The following LIMS1 variants were observed in gnomAD, a reference collection of about 807,000 sequenced individuals.
The protein encoded by LIMS1 is LIM zinc finger domain containing 1.
A neutral mutation model predicts 44.1 loss-of-function variants in LIMS1; 18 were observed. The ratio of observed to expected loss-of-function variants is 0.41; its 90% confidence interval spans 0.28 to 0.61. LIMS1 has a LOEUF of 0.61. Among genes scored for constraint, LIMS1 ranks in the 20% least tolerant of loss-of-function variants. The pLI, the probability that LIMS1 is intolerant of heterozygous loss-of-function variation, is 0.32. For missense variants in LIMS1, 201 were observed against 422.0 expected (o/e 0.48, Z 4.59); for synonymous variants, 93 against 149.1 (o/e 0.62, Z 2.74).
intron 1 of LIMS1, among the ~76,000 whole-genome samples, chr2:108,577,721 G>GA (rs1364173057): frequency 2.0e-5 from 3 of 152,060 alleles, no homozygotes; most frequent in Admixed American, 6.5e-5. Context: ...AAGAGAGAGA[G>GA]AAAAAAGGTG....
chr2:108,573,929 A>G (rs916133695), intron 1 of LIMS1, among the ~76,000 whole-genome samples: 1 of 152,172 alleles, frequency 6.6e-6, no homozygotes, highest in Non-Finnish European at 1.5e-5. Context: ...CACTGAGGTT[A>G]GGGACTCTTC....
chr2:108,573,393 G>C (rs544593829), intron 1 of LIMS1, among the ~76,000 whole-genome samples: 1 of 151,546 alleles, frequency 6.6e-6, no homozygotes, highest in African/African-American at 2.4e-5. Flanking sequence ...CTTTTAGCCA[G>C]TTATTTTGGC....
At chr2:108,639,958 T>C (rs548434700) in intron 1 of LIMS1, among the ~76,000 whole-genome samples, 3 of 152,340 alleles carry the variant, frequency 2.0e-5, no homozygotes, top group East Asian at 3.9e-4. Flanking sequence ...TACACATCCA[T>C]GCGCACGGGC....
rs1298515736 is a variant in LIMS1 at position 108,595,017 on chromosome 2, G to A, written c.32+60423G>A. On this transcript the variant is annotated intron_variant, in intron 1 of 9. Transcript: ENST00000544547. ...CCTGAGATGGAAAGCTCTGTGGAAG[G>A]AAGGTACCATACATAAAAGCAGGGC... 2.6e-5 allele frequency among the ~76,000 whole-genome samples: 4 copies of A among 152,326 alleles called. No homozygotes were observed. The South Asian group carries it at 8.3e-4, about 32-fold the overall frequency.
intron 2 of LIMS1, chr2:108,662,636 A>AAAAAAC (rs1691459751): frequency 1.0e-6 from 1 of 987,140 alleles, no homozygotes; most frequent in Admixed American, 4.7e-5. Flanking sequence ...ATATTAGAGA[A>AAAAAAC]AAAAACTATC....
intron 1 of LIMS1, chr2:108,588,457 A>C (rs1297397701): frequency 2.0e-6 from 2 of 985,382 alleles, no homozygotes; most frequent in Non-Finnish European, 2.4e-6. Context: ...GCCAGGAGGG[A>C]GGTTCTTTAC....
intron 1 of LIMS1, among the ~76,000 whole-genome samples, chr2:108,549,165 TGTTTG>T (rs957370683): frequency 1.3e-5 from 2 of 152,120 alleles, no homozygotes; most frequent in Admixed American, 1.3e-4. Flanking sequence ...TATGGCTTTT[TGTTTG>T]GTTTAGTGAA....
intron 1 of LIMS1, among the ~76,000 whole-genome samples, chr2:108,648,026 T>C (rs1425662107): frequency 6.6e-6 from 1 of 152,208 alleles, no homozygotes; most frequent in Non-Finnish European, 1.5e-5. Context: ...AGTCAAATTG[T>C]CTCTATTTGC....
chr2:108,552,490 T>C (rs1272355656), intron 1 of LIMS1, among the ~76,000 whole-genome samples: 1 of 146,500 alleles, frequency 6.8e-6, no homozygotes, highest in Non-Finnish European at 1.5e-5. Context: ...ACATTACAGT[T>C]ACATATAATA....
chr2:108,550,354 C>G (rs1054016907), intron 1 of LIMS1, among the ~76,000 whole-genome samples: 1 of 147,134 alleles, frequency 6.8e-6, no homozygotes, highest in African/African-American at 2.5e-5. Flanking sequence ...AAAAAATTAG[C>G]CGGGCGCGGT....
intron 2 of LIMS1, among the ~76,000 whole-genome samples, chr2:108,666,731 G>A (rs1691783081): frequency 6.9e-6 from 1 of 145,968 alleles, no homozygotes; most frequent in East Asian, 2.0e-4. Flanking sequence ...GGAGGCTACA[G>A]TGAGCTATAA....
rs529163763 is a variant in LIMS1 at position 108,676,005 on chromosome 2, A to C, written c.658A>C (p.Met220Leu). 4.1e-5 allele frequency: 66 copies of C among 1,613,930 alleles called. 2 individuals carry two copies. In the South Asian group the frequency reaches 6.1e-4, roughly 15 times the overall value. Reference sequence around the variant, plus strand: ...CATCGAAGGGCGCGTGGTGAACGCTATGGGCAAGCAGTGGCATGTGGAGGT... The same window carrying C: ...CATCGAAGGGCGCGTGGTGAACGCTCTGGGCAAGCAGTGGCATGTGGAGGT... Residue 220 changes from methionine to leucine, a missense_variant, in exon 6 of 10, where the codon ATG (methionine) becomes CTG (leucine). Around this residue, in one of 7 missense-constraint regions of LIMS1, gnomAD observed 21 missense variants for 63.2 expected, o/e 0.33. Transcript: ENST00000544547.
At chr2:108,681,332 C>T in intron 9 of LIMS1, 1 of 984,750 alleles carries the variant, frequency 1.0e-6, no homozygotes, top group Non-Finnish European at 1.2e-6. Flanking sequence ...AATGAATACA[C>T]TCCATACTTA....
intron 1 of LIMS1, among the ~76,000 whole-genome samples, chr2:108,541,088 A>C (rs1397413774): frequency 6.6e-6 from 1 of 152,194 alleles, no homozygotes; most frequent in Non-Finnish European, 1.5e-5. Flanking sequence ...CTTTTGAAGA[A>C]CACTTCAGAA....
At chr2:108,615,469 G>T (rs1030174631) in intron 1 of LIMS1, among the ~76,000 whole-genome samples, 1 of 152,036 alleles carries the variant, frequency 6.6e-6, no homozygotes, top group Admixed American at 6.6e-5. Context: ...CGGGTGGGGG[G>T]TATGGTGGGG....
chr2:108,684,109 A>G (rs575379365), exon 10 of LIMS1: 20 of 568,718 alleles, frequency 3.5e-5, no homozygotes, highest in Admixed American at 2.2e-4. Flanking sequence ...AAGAGGACCT[A>G]TATGAATGGT....
intron 1 of LIMS1, among the ~76,000 whole-genome samples, chr2:108,577,063 G>A (rs965955559): frequency 2.0e-5 from 3 of 152,148 alleles, no homozygotes; most frequent in Non-Finnish European, 2.9e-5. Flanking sequence ...AAAACAGTAC[G>A]ATCTCTCAGA....
chr2:108,557,869 T>C (rs960956997), intron 1 of LIMS1, among the ~76,000 whole-genome samples: 4 of 152,202 alleles, frequency 2.6e-5, no homozygotes, highest in African/African-American at 9.7e-5. Flanking sequence ...TTGAAGTTGT[T>C]GATTTGAAGG....
chr2:108,676,014 C>T lies in LIMS1; in HGVS notation c.667C>T (p.Gln223Ter), dbSNP rs1692532604. Residue 223 changes from glutamine to a stop codon, truncating the protein, a stop_gained, in exon 6 of 10, where the codon CAG (glutamine) becomes TAG (stop). Transcript: ENST00000544547. LOFTEE classifies it high-confidence loss of function. The stretch of plus-strand genomic sequence containing the variant: ...GCGCGTGGTGAACGCTATGGGCAAG[C>T]AGTGGCATGTGGAGGTGAGTTCTAA... 6.2e-7 allele frequency: 1 copy of T among 1,613,546 alleles called. No individual in the cohort carries two copies. Among genetic ancestry groups the T allele is most frequent in the Admixed American group, 1.7e-5 (1 of 59,946 alleles).
Sources: allele counts gnomAD v4.1 joint callset (sites outside exome capture counted in the v4.1 genomes callset), GRCh38; gene constraint gnomAD v4.1.1; regional missense constraint gnomAD v4.1.1; transcripts MANE v1.5; gene names NCBI Gene and HGNC (gene_info 2026-07-23, HGNC 2026-07-21).